The following CCDC88C variants were observed in gnomAD, a reference collection of about 807,000 sequenced individuals.
CCDC88C encodes protein Daple.
In CCDC88C, 131 loss-of-function variants were observed where a neutral mutation model predicts 198.8. That is an observed-to-expected ratio of 0.66 (90% CI 0.57 to 0.76). The LOEUF is 0.76. Ranked by LOEUF, CCDC88C falls within the 30% of genes least tolerant of loss-of-function variation. CCDC88C has a pLI of 0.00. For missense variants in CCDC88C, 2,553 were observed against 2,631.6 expected (o/e 0.97, Z 0.65); for synonymous variants, 1,166 against 1,114.7 (o/e 1.05, Z -0.92).
In CCDC88C at chr14:91,288,913, T is replaced by C; in HGVS notation, c.4441+192A>G. 1 of 525,742 alleles carries C rather than the reference T, an allele frequency of 1.9e-6. No individual in the cohort carries two copies. Among genetic ancestry groups the C allele is most frequent in the Non-Finnish European group, 3.3e-6 (1 of 299,540 alleles). 32.6% of individuals were successfully genotyped at this position (525,742 alleles called of 1,614,324 possible). On this transcript the variant is annotated intron_variant, in intron 25 of 29. Coordinates refer to ENST00000389857, the MANE Select transcript of CCDC88C (RefSeq NM_001080414.4). This position sits in a 1 kb window ranked among gnomAD's most constrained non-coding sequence, Gnocchi z 4.2. ...AATTAAAATAAAATATAAAATAAAG[T>C]AACAAAAGCATTATGGGACAAAACG...
At chr14:91,359,827 A>G in intron 3 of CCDC88C, 116 bp from the exon 4 acceptor site, 1 of 867,740 alleles carries the variant, frequency 1.2e-6, no homozygotes, top group East Asian at 2.7e-5. Flanking sequence ...TCCCGTGGTG[A>G]CTACGAAGGA....
In CCDC88C at chr14:91,313,606, T is replaced by C. The variant is rs747561142; in HGVS notation, c.2210A>G (p.Lys737Arg). ...ERENQQLEREKEELRKNVDLL... is the reference protein window; with the variant it reads ...ERENQQLEREREELRKNVDLL... ...ATCCACGTTCTTCCTCAGCTCCTCC[T>C]TCTCACGCTCCAGCTGCTGGTTCTC... Residue 737 changes from lysine (K) to arginine (R), a missense_variant, in exon 15 of 30, where the codon AAG (lysine) becomes AGG (arginine). Around this residue, in one of 2 missense-constraint regions of CCDC88C, gnomAD observed 1,260 missense variants for 1,412.0 expected, o/e 0.89. Transcript: ENST00000389857. The surrounding 1 kb of genome is among the most constrained non-coding windows in gnomAD (Gnocchi z 5.2). 67 of 1,612,614 alleles carry C rather than the reference T, an allele frequency of 4.2e-5. No individual in the cohort carries two copies. Among genetic ancestry groups the C allele is most frequent in the Non-Finnish European group, 5.6e-5 (66 of 1,179,892 alleles).
intron 3 of CCDC88C, among the ~76,000 whole-genome samples, chr14:91,368,862 G>A (rs1386413278): frequency 6.6e-6 from 1 of 152,156 alleles, no homozygotes. Flanking sequence ...TCAACAACTT[G>A]ATGGCCAAAA....
intron 3 of CCDC88C, among the ~76,000 whole-genome samples, chr14:91,362,144 G>C (rs1319021189): frequency 6.6e-6 from 1 of 151,532 alleles, no homozygotes; most frequent in Admixed American, 6.6e-5. Context: ...TGAGGCAGGA[G>C]AATTGCTTGA....
At chr14:91,281,217 G>A (rs924110187) in intron 27 of CCDC88C, 2 of 1,024,510 alleles carry the variant, frequency 2.0e-6, no homozygotes, top group Non-Finnish European at 1.4e-6. Flanking sequence ...GCATGAAGAG[G>A]AGAGGTCGGT....
chr14:91,334,096 A>C (rs1429276354), intron 10 of CCDC88C, among the ~76,000 whole-genome samples: 1 of 152,248 alleles, frequency 6.6e-6, no homozygotes, highest in East Asian at 1.9e-4. Flanking sequence ...TGCTACAATG[A>C]GAATTTTTGC....
intron 4 of CCDC88C, among the ~76,000 whole-genome samples, chr14:91,348,845 C>T (rs901886467): frequency 3.3e-5 from 5 of 152,168 alleles, no homozygotes; most frequent in African/African-American, 1.2e-4. Flanking sequence ...GATGCTTGCT[C>T]TCACCAGGCT....
intron 3 of CCDC88C, among the ~76,000 whole-genome samples, chr14:91,372,636 T>C (rs1894869382): frequency 6.6e-6 from 1 of 151,052 alleles, no homozygotes; most frequent in Non-Finnish European, 1.5e-5. Flanking sequence ...CTGGCTACAG[T>C]CCCACGATGA....
chr14:91,281,597 G>A (rs996101869), intron 26 of CCDC88C, 72 bp from the exon 27 acceptor site: 25 of 1,369,712 alleles, frequency 1.8e-5, no homozygotes, highest in South Asian at 4.7e-5. Context: ...CCGCCACCTC[G>A]CCTGGCACCC....
At chr14:91,293,557 C>CACCT (rs1890848564) in intron 23 of CCDC88C, among the ~76,000 whole-genome samples, 9 of 141,558 alleles carry the variant, frequency 6.4e-5, no homozygotes, top group Non-Finnish European at 6.3e-5. Flanking sequence ...CCTGTCCCCT[C>CACCT]GCCTGCCACG....
Position 91,304,404 on chromosome 14 carries a change from G to C in CCDC88C, c.3358-426C>G, listed in dbSNP as rs541682838. Among the ~76,000 whole-genome samples, 5 of 152,288 alleles carry C rather than the reference G, an allele frequency of 3.3e-5. No homozygotes were observed. The East Asian group carries it at 9.6e-4, about 29-fold the overall frequency. ...TCAAGACCAGCCTGAGCAACATAGT[G>C]AGACCCCATCTCTACAAAAAAAAAG... On this transcript the variant is annotated intron_variant, in intron 19 of 29. Transcript: ENST00000389857.
intron 10 of CCDC88C, among the ~76,000 whole-genome samples, chr14:91,332,597 C>A (rs1013113195): frequency 6.6e-6 from 1 of 152,174 alleles, no homozygotes. Context: ...ACGGGTTAGA[C>A]GGGGCAGCCT....
At chr14:91,402,628 C>T (rs557650273) in intron 3 of CCDC88C, among the ~76,000 whole-genome samples, 34 of 152,184 alleles carry the variant, frequency 2.2e-4, no homozygotes, top group Admixed American at 1.2e-3. Context: ...AGGTGTTAAC[C>T]CCAGGAAGGG....
intron 27 of CCDC88C, 182 bp from the exon 28 acceptor site, chr14:91,279,488 G>A: frequency 1.8e-6 from 1 of 564,644 alleles, no homozygotes; most frequent in Admixed American, 3.1e-5. Flanking sequence ...TTCACCAACG[G>A]AGTGCTGGGC....
At chr14:91,323,831 G>C (rs571500068) in intron 12 of CCDC88C, among the ~76,000 whole-genome samples, 1 of 152,358 alleles carries the variant, frequency 6.6e-6, no homozygotes, top group East Asian at 1.9e-4. Flanking sequence ...GCAGCCCTCA[G>C]GCCCCAGAAC....
intron 10 of CCDC88C, among the ~76,000 whole-genome samples, chr14:91,336,635 G>T (rs1893056095): frequency 6.6e-6 from 1 of 152,238 alleles, no homozygotes; most frequent in Non-Finnish European, 1.5e-5. Context: ...ACAAAGCTGA[G>T]AAACGGTCTA....
At chr14:91,333,885 G>A (rs1892939070) in intron 10 of CCDC88C, among the ~76,000 whole-genome samples, 1 of 152,224 alleles carries the variant, frequency 6.6e-6, no homozygotes, top group Admixed American at 6.5e-5. Context: ...CTGCTTCACA[G>A]CTTTAAACTG....
At chr14:91,398,976 G>A (rs775796413) in intron 3 of CCDC88C, among the ~76,000 whole-genome samples, 2 of 152,096 alleles carry the variant, frequency 1.3e-5, no homozygotes, top group East Asian at 1.9e-4. Context: ...CCTGGGCCTC[G>A]GGCAGCCCTG....
At chr14:91,366,435 G>A (rs1488412919) in intron 3 of CCDC88C, among the ~76,000 whole-genome samples, 3 of 152,118 alleles carry the variant, frequency 2.0e-5, no homozygotes, top group Admixed American at 6.5e-5. Context: ...GCAGTGAGCC[G>A]AGATTGCGCC....
Sources: allele counts gnomAD v4.1 joint callset (sites outside exome capture counted in the v4.1 genomes callset), GRCh38; gene constraint gnomAD v4.1.1; regional missense constraint gnomAD v4.1.1; non-coding constraint Gnocchi (gnomAD v3.1); transcripts MANE v1.5; gene names NCBI Gene and HGNC (gene_info 2026-07-23, HGNC 2026-07-21).